The following DRICH1 variants were observed in gnomAD, a reference collection of about 807,000 sequenced individuals.
DRICH1 encodes the protein aspartate rich 1.
Under a neutral mutation model 39.5 loss-of-function variants are expected in DRICH1, and 38 were observed. The observed-to-expected ratio is 0.96, with a 90% confidence interval of 0.74 to 1.26. DRICH1 has a LOEUF of 1.26. Among genes scored for constraint, DRICH1 ranks in the 50% most tolerant of loss-of-function variants. The pLI is 0.00. For missense variants in DRICH1, 279 were observed against 270.4 expected, an observed-to-expected ratio of 1.03 and a Z score of -0.22; for synonymous variants, 84 against 99.5, an observed-to-expected ratio of 0.84 and a Z score of 0.93.
At chr22:23,615,156 C>G (rs1927279132) in intron 8 of DRICH1, among the ~76,000 whole-genome samples, 1 of 152,110 alleles carries the variant, frequency 6.6e-6, no homozygotes, top group Non-Finnish European at 1.5e-5. Context: ...GGTGGATGAC[C>G]TGAGGTCAGC....
At chr22:23,612,721 G>A (rs1927113936) in intron 11 of DRICH1, among the ~76,000 whole-genome samples, 1 of 152,096 alleles carries the variant, frequency 6.6e-6, no homozygotes, top group Non-Finnish European at 1.5e-5. Context: ...AAAGGAGACT[G>A]GAGTTTTACC....
the DRICH1 span, among the ~76,000 whole-genome samples, chr22:23,597,184 C>T: frequency 0.057 from 7,871 of 137,624 alleles, 1 homozygote; most frequent in East Asian, 0.2. Flanking sequence ...TCCTCCCTCC[C>T]TCCATCCCTC....
At chr22:23,613,751 C>T (rs1927184490) in intron 9 of DRICH1, 91 bp from the exon 10 acceptor site, 2 of 981,606 alleles carry the variant, frequency 2.0e-6, no homozygotes, top group African/African-American at 1.6e-5. Flanking sequence ...GATAAAAAAC[C>T]AGAAGGCAGT....
the DRICH1 span, chr22:23,581,417 C>G: frequency 6.6e-6 from 1 of 152,308 alleles, no homozygotes; most frequent in East Asian, 1.9e-4. Context: ...CTGGTGCTGC[C>G]AGAGACGCCT....
chr22:23,594,237 A>C, the DRICH1 span, among the ~76,000 whole-genome samples: 11 of 152,318 alleles, frequency 7.2e-5, no homozygotes, highest in Admixed American at 5.2e-4. Context: ...TCAAACTGGC[A>C]AGTGACAAAA....
intron 11 of DRICH1, among the ~76,000 whole-genome samples, chr22:23,612,391 C>T (rs1226672316): frequency 2.1e-5 from 3 of 143,554 alleles, no homozygotes; most frequent in Non-Finnish European, 4.5e-5. Flanking sequence ...GGCGTGAACC[C>T]GGGAGGCGGA....
chr22:23,612,339 C>T (rs1157701018), intron 11 of DRICH1, among the ~76,000 whole-genome samples: 2 of 151,776 alleles, frequency 1.3e-5, no homozygotes, highest in Non-Finnish European at 2.9e-5. Flanking sequence ...TGGTGGTGGA[C>T]ACCTGTAGTC....
chr22:23,608,888 G>A, intron 11 of DRICH1, 120 bp from the exon 12 acceptor site: 3 of 1,095,278 alleles, frequency 2.7e-6, no homozygotes, highest in African/African-American at 1.5e-5. Flanking sequence ...TGCAGTCCAG[G>A]CTGAGGAGAA....
chr22:23,597,106 T>C, the DRICH1 span, among the ~76,000 whole-genome samples: 19,806 of 139,902 alleles, frequency 0.14, 1,834 homozygotes, highest in East Asian at 0.25. Context: ...TCTTTGCCTC[T>C]TGTAATAACT....
At chr22:23,606,112 C>T (rs1455465004), downstream of DRICH1, among the ~76,000 whole-genome samples, 3 of 149,866 alleles carry the variant, frequency 2.0e-5, 1 homozygote, top group Non-Finnish European at 4.4e-5. Flanking sequence ...TTAATTCAAA[C>T]AAGTTCATGA....
At chr22:23,608,975 G>A (rs1926884765) in intron 11 of DRICH1, among the ~76,000 whole-genome samples, 1 of 152,200 alleles carries the variant, frequency 6.6e-6, no homozygotes, top group South Asian at 2.1e-4. Context: ...CACAGCCTAT[G>A]TTGGGACCTA....
the DRICH1 span, among the ~76,000 whole-genome samples, chr22:23,584,433 GCAC>G: frequency 3.9e-5 from 6 of 152,140 alleles, no homozygotes; most frequent in Admixed American, 2.0e-4. Flanking sequence ...GACTCCGCCT[GCAC>G]CACCAAGGAT....
chr22:23,585,667 G>A, the DRICH1 span, among the ~76,000 whole-genome samples: 1 of 152,062 alleles, frequency 6.6e-6, no homozygotes, highest in East Asian at 1.9e-4. Context: ...ACAGGCACAT[G>A]CCACCACACC....
downstream of DRICH1, among the ~76,000 whole-genome samples, chr22:23,606,810 C>G (rs577465329): frequency 1.5e-3 from 230 of 152,310 alleles, no homozygotes; most frequent in Non-Finnish European, 2.6e-3. Flanking sequence ...CTCCCTGGGT[C>G]CTCTGCGCCT....
downstream of DRICH1, among the ~76,000 whole-genome samples, chr22:23,607,540 G>A (rs1926802886): frequency 6.6e-6 from 1 of 151,336 alleles, no homozygotes; most frequent in South Asian, 2.1e-4. Context: ...GGCGGGGGCG[G>A]GGGGGGGCCT....
chr22:23,610,885 G>T (rs1926995996), intron 11 of DRICH1, among the ~76,000 whole-genome samples: 2 of 150,116 alleles, frequency 1.3e-5, no homozygotes, highest in South Asian at 2.1e-4. Flanking sequence ...ATTATTAGAT[G>T]GGCAAAATTT....
intron 8 of DRICH1, among the ~76,000 whole-genome samples, chr22:23,614,741 C>T (rs953478144): frequency 1.1e-4 from 16 of 152,106 alleles, no homozygotes; most frequent in African/African-American, 3.6e-4. Context: ...TATTAAAATG[C>T]TACAATTAAA....
At chr22:23,623,064 A>AT (rs1385728670) in intron 3 of DRICH1, among the ~76,000 whole-genome samples, 4 of 152,156 alleles carry the variant, frequency 2.6e-5, no homozygotes, top group African/African-American at 4.8e-5. Flanking sequence ...GCTTACATAA[A>AT]TTTTTTTTGT....
intron 1 of DRICH1, among the ~76,000 whole-genome samples, 189 bp from the exon 2 acceptor site, chr22:23,626,237 A>G (rs1429672362): frequency 1.3e-5 from 2 of 152,230 alleles, no homozygotes; most frequent in African/African-American, 2.4e-5. Flanking sequence ...GCCAGTGCCC[A>G]GACCTAATAA....
Sources: allele counts gnomAD v4.1 joint callset (sites outside exome capture counted in the v4.1 genomes callset), GRCh38; gene constraint gnomAD v4.1.1; transcripts MANE v1.5; gene names NCBI Gene and HGNC (gene_info 2026-07-23, HGNC 2026-07-21).